WDR4: variants seen among roughly 807,000 people sequenced by gnomAD.
WDR4 encodes the protein WDR4 tRNA N7-guanosine methyltransferase non-catalytic subunit.
Under a neutral mutation model 48.6 loss-of-function variants are expected in WDR4, and 47 were observed. The observed-to-expected ratio is 0.97, with a 90% CI of 0.77 to 1.23. The LOEUF (loss-of-function observed/expected upper bound fraction) is 1.23. WDR4 is among the 50% of genes most tolerant of loss of function. The pLI, the probability that WDR4 is intolerant of heterozygous loss-of-function variation, is 0.00. For missense variants in WDR4, 606 were observed against 551.6 expected, an observed-to-expected ratio of 1.10 and a Z score of -0.99; for synonymous variants, 268 against 230.0, an observed-to-expected ratio of 1.17 and a Z score of -1.49.
chr21:42,878,785 G>C (rs1035779231), intron 1 of WDR4, among the ~76,000 whole-genome samples: 1 of 152,208 alleles, frequency 6.6e-6, no homozygotes, highest in African/African-American at 2.4e-5. Flanking sequence ...CCCGAGCCGT[G>C]CGAAGGGCCA....
intron 7 of WDR4, among the ~76,000 whole-genome samples, chr21:42,854,894 T>C (rs2057946091): frequency 6.6e-6 from 1 of 151,824 alleles, no homozygotes; most frequent in African/African-American, 2.4e-5. Flanking sequence ...GGTCAGACAG[T>C]GAGGAGAAGA....
chr21:42,859,284 A>G (rs950137855), intron 6 of WDR4, among the ~76,000 whole-genome samples: 1 of 151,696 alleles, frequency 6.6e-6, no homozygotes, highest in African/African-American at 2.4e-5. Flanking sequence ...AAAGAAAAGG[A>G]AAAAAAATGC....
downstream of WDR4, among the ~76,000 whole-genome samples, chr21:42,848,774 TCACACAGCACACGATCACGCGGC>T (rs2057740431): frequency 2.1e-5 from 1 of 48,138 alleles, no homozygotes; most frequent in East Asian, 5.6e-4. Flanking sequence ...GGCGCGCACC[TCACACAGCACACGATCACGCGGC>T]GCGCACCTCA....
chr21:42,853,212 C>T (rs2057882344), intron 9 of WDR4, among the ~76,000 whole-genome samples: 1 of 152,146 alleles, frequency 6.6e-6, no homozygotes, highest in African/African-American at 2.4e-5. Flanking sequence ...TCAGCCAGTG[C>T]CCCAGGCCCG....
In WDR4 at chr21:42,849,245, C is replaced by A. The variant is rs3746939; in HGVS notation, c.*804G>T. ...ACCAAGGAGTTTTGCCTGGTATATT[C>A]GGTTGCTGCTAAACATTCCTAGGAA... is the stretch of plus-strand genomic sequence containing the variant. On this transcript the variant is annotated 3_prime_UTR_variant, in exon 11 of 11. Transcript: ENST00000398208. 0.88 allele frequency: 134,030 copies of A among 152,284 alleles called. 59,030 individuals carry two copies. Among genetic ancestry groups the A allele is most frequent in the Middle Eastern group, 0.92 (271 of 294 alleles). 9.4% of individuals were successfully genotyped at this position (152,284 alleles called of 1,614,324 possible).
intron 7 of WDR4, 82 bp downstream of exon 7, chr21:42,855,600 C>T (rs2057966436): frequency 9.1e-6 from 10 of 1,094,194 alleles, no homozygotes; most frequent in South Asian, 1.9e-5. Context: ...TTTCCAACGG[C>T]GAAGTGACTT....
intron 5 of WDR4, among the ~76,000 whole-genome samples, chr21:42,861,112 C>G (rs573027701): frequency 1.3e-5 from 2 of 152,134 alleles, no homozygotes; most frequent in African/African-American, 4.8e-5. Context: ...GAGATCAAGA[C>G]CAGCCTGGCC....
chr21:42,886,486 T>C, the WDR4 span, among the ~76,000 whole-genome samples: 1 of 152,256 alleles, frequency 6.6e-6, no homozygotes, highest in Non-Finnish European at 1.5e-5. Flanking sequence ...TTTTGTAAAT[T>C]GTTCACACGT....
the WDR4 span, among the ~76,000 whole-genome samples, chr21:42,889,077 T>C: frequency 6.8e-6 from 1 of 146,234 alleles, no homozygotes; most frequent in African/African-American, 2.5e-5. Flanking sequence ...AGATTGAAAT[T>C]GTTCAAGCAA....
downstream of WDR4, among the ~76,000 whole-genome samples, chr21:42,848,541 C>T (rs1387762908): frequency 5.6e-5 from 3 of 53,612 alleles, no homozygotes; most frequent in Non-Finnish European, 6.7e-5. Context: ...TCACGCGGCG[C>T]GCACCTCACA....
At chr21:42,857,214 T>C (rs145459445) in intron 6 of WDR4, among the ~76,000 whole-genome samples, 1,540 of 152,040 alleles carry the variant, frequency 0.01, 25 homozygotes, top group African/African-American at 0.036. Context: ...GTCTCGGGGA[T>C]GCCAAATACT....
chr21:42,854,763 C>CTGG, intron 7 of WDR4, 137 bp from the exon 8 acceptor site: 1 of 767,646 alleles, frequency 1.3e-6, no homozygotes, highest in Non-Finnish European at 2.1e-6. Flanking sequence ...CTGGAACATT[C>CTGG]TGGAATCAGT....
chr21:42,876,896 G>A (rs546352090), intron 1 of WDR4, 129 bp from the exon 2 acceptor site: 16 of 697,626 alleles, frequency 2.3e-5, no homozygotes, highest in South Asian at 6.4e-5. Flanking sequence ...TTGGCTCACC[G>A]CAACCTCCGC....
intron 9 of WDR4, among the ~76,000 whole-genome samples, chr21:42,852,783 C>T (rs376025651): frequency 2.0e-5 from 3 of 152,040 alleles, no homozygotes; most frequent in East Asian, 1.9e-4. Context: ...GGTGTGGTGG[C>T]GCATGCCTGT....
the WDR4 span, among the ~76,000 whole-genome samples, chr21:42,891,205 C>T: frequency 6.6e-6 from 1 of 151,982 alleles, no homozygotes; most frequent in South Asian, 2.1e-4. Flanking sequence ...GCCTGTAATC[C>T]CAGCTACTGG....
chr21:42,864,069 C>T (rs7281227), intron 3 of WDR4, among the ~76,000 whole-genome samples: 5,959 of 52,608 alleles, frequency 0.11, 479 homozygotes, highest in African/African-American at 0.14. Context: ...ATCCCGCCAC[C>T]GCACTCCAGC....
downstream of WDR4, among the ~76,000 whole-genome samples, chr21:42,846,788 G>A (rs574002888): frequency 3.3e-5 from 5 of 152,220 alleles, no homozygotes; most frequent in South Asian, 2.1e-4. Flanking sequence ...TTGGGAGTGC[G>A]AGGCGAGAGG....
chr21:42,859,597 G>GCC, intron 6 of WDR4, 65 bp downstream of exon 6: 1 of 708,190 alleles, frequency 1.4e-6, no homozygotes, highest in South Asian at 1.5e-5. Context: ...TCCAGGAGGC[G>GCC]CCCACCCCAC....
intron 1 of WDR4, among the ~76,000 whole-genome samples, 154 bp from the exon 2 acceptor site, chr21:42,876,921 C>G (rs1004769896): frequency 6.6e-6 from 1 of 152,000 alleles, no homozygotes; most frequent in Non-Finnish European, 1.5e-5. Context: ...CAGGTTCAAA[C>G]GATTCTCCTG....
Sources: allele counts gnomAD v4.1 joint callset (sites outside exome capture counted in the v4.1 genomes callset), GRCh38; gene constraint gnomAD v4.1.1; transcripts MANE v1.5; gene names NCBI Gene and HGNC (gene_info 2026-07-23, HGNC 2026-07-21).